Variants in SPMIP7 observed in about 807,000 individuals in gnomAD.
The protein encoded by SPMIP7 is sperm microtubule inner protein 7.
chr7:50,130,217 T>C, the SPMIP7 span, among the ~76,000 whole-genome samples: 242 of 152,254 alleles, frequency 1.6e-3, 1 homozygote, highest in Non-Finnish European at 2.6e-3. Flanking sequence ...ATTGATCTCT[T>C]TTCACTCTGC....
the SPMIP7 span, among the ~76,000 whole-genome samples, chr7:50,143,340 AT>A: frequency 6.6e-6 from 1 of 151,836 alleles, no homozygotes. Flanking sequence ...AATTTTTTGT[AT>A]TTTTAGTAGA....
the SPMIP7 span, among the ~76,000 whole-genome samples, chr7:50,149,143 T>TA: frequency 1.6e-4 from 24 of 149,066 alleles, no homozygotes; most frequent in Non-Finnish European, 2.4e-4. Flanking sequence ...AGATTCCATC[T>TA]AAAAAAAAAA....
the SPMIP7 span, chr7:50,096,664 A>G: frequency 3.4e-6 from 5 of 1,474,952 alleles, no homozygotes; most frequent in Middle Eastern, 1.8e-4. Context: ...TGAACTTTCT[A>G]TTTTTTAAAT....
the SPMIP7 span, chr7:50,096,332 C>T: frequency 6.4e-7 from 1 of 1,552,000 alleles, no homozygotes; most frequent in African/African-American, 1.4e-5. Context: ...TTTACATGAT[C>T]CTTATCCCCC....
the SPMIP7 span, among the ~76,000 whole-genome samples, chr7:50,116,999 A>G: frequency 6.6e-6 from 1 of 152,184 alleles, no homozygotes; most frequent in Non-Finnish European, 1.5e-5. Flanking sequence ...TAAAAGAAAC[A>G]ATAAGAGGCG....
chr7:50,136,079 T>G, the SPMIP7 span: 1 of 1,534,948 alleles, frequency 6.5e-7, no homozygotes, highest in Non-Finnish European at 8.8e-7. Flanking sequence ...CTGTCATTGA[T>G]TTTGACGATT....
chr7:50,129,469 C>T, the SPMIP7 span, among the ~76,000 whole-genome samples: 1 of 151,980 alleles, frequency 6.6e-6, no homozygotes. Context: ...AGAGCTTTCT[C>T]TTAAGTTCTC....
chr7:50,141,727 C>CTTTTTT, the SPMIP7 span: 48 of 76,950 alleles, frequency 6.2e-4, 6 homozygotes, highest in South Asian at 4.4e-3. Flanking sequence ...AGAGGAATCA[C>CTTTTTT]TTTTTTTTTT....
the SPMIP7 span, among the ~76,000 whole-genome samples, chr7:50,122,257 C>T: frequency 2.6e-5 from 4 of 151,866 alleles, no homozygotes; most frequent in Non-Finnish European, 5.9e-5. Flanking sequence ...TCAGAAATAA[C>T]GCCGCATATC....
chr7:50,109,500 C>T, the SPMIP7 span, among the ~76,000 whole-genome samples: 13 of 152,180 alleles, frequency 8.5e-5, no homozygotes, highest in East Asian at 5.8e-4. Flanking sequence ...TTCATCCTCC[C>T]GAGTAGCTGG....
the SPMIP7 span, among the ~76,000 whole-genome samples, chr7:50,114,198 A>G: frequency 2.0e-5 from 3 of 152,206 alleles, no homozygotes; most frequent in Non-Finnish European, 4.4e-5. Flanking sequence ...TCAAGTTCAC[A>G]CAATGAAATA....
At chr7:50,122,119 A>G in the SPMIP7 span, among the ~76,000 whole-genome samples, 1 of 152,206 alleles carries the variant, frequency 6.6e-6, no homozygotes, top group Non-Finnish European at 1.5e-5. Context: ...GCCTAATAAA[A>G]TATTACTTTT....
chr7:50,149,218 G>A, the SPMIP7 span, among the ~76,000 whole-genome samples: 1 of 152,128 alleles, frequency 6.6e-6, no homozygotes, highest in African/African-American at 2.4e-5. Flanking sequence ...TCAGTGTGCA[G>A]CACCATTGGG....
the SPMIP7 span, among the ~76,000 whole-genome samples, chr7:50,121,919 A>C: frequency 6.6e-6 from 1 of 151,984 alleles, no homozygotes; most frequent in Non-Finnish European, 1.5e-5. Context: ...GACCTCCCAA[A>C]GTGCTGGGAT....
the SPMIP7 span, among the ~76,000 whole-genome samples, chr7:50,136,586 G>T: frequency 6.6e-6 from 1 of 152,136 alleles, no homozygotes; most frequent in East Asian, 1.9e-4. Context: ...TAAACAGTTT[G>T]ATATAAACAA....
At chr7:50,100,911 T>A in the SPMIP7 span, among the ~76,000 whole-genome samples, 1 of 152,132 alleles carries the variant, frequency 6.6e-6, no homozygotes. Flanking sequence ...TCTTATCTGA[T>A]CCTTTGTTTT....
At chr7:50,126,408 A>T in the SPMIP7 span, among the ~76,000 whole-genome samples, 4 of 151,918 alleles carry the variant, frequency 2.6e-5, no homozygotes, top group Non-Finnish European at 4.4e-5. Context: ...GACTTACCAC[A>T]GTGAAAACTT....
the SPMIP7 span, among the ~76,000 whole-genome samples, chr7:50,147,108 G>T: frequency 6.6e-6 from 1 of 152,206 alleles, no homozygotes; most frequent in African/African-American, 2.4e-5. Flanking sequence ...ATTTAAATGT[G>T]CATTTTTTAA....
At chr7:50,122,970 G>A in the SPMIP7 span, among the ~76,000 whole-genome samples, 2 of 147,352 alleles carry the variant, frequency 1.4e-5, no homozygotes, top group African/African-American at 2.5e-5. Context: ...CTGTTGGTGG[G>A]ACTGTAAACT....
Sources: allele counts gnomAD v4.1 joint callset (sites outside exome capture counted in the v4.1 genomes callset), GRCh38; gene constraint gnomAD v4.1.1; transcripts MANE v1.5; gene names NCBI Gene and HGNC (gene_info 2026-07-23, HGNC 2026-07-21).